The following CTNNA2 variants were observed in gnomAD, a reference collection of about 807,000 sequenced individuals.
The protein encoded by CTNNA2 is catenin alpha 2, also known as catenin alpha-2.
CTNNA2 carries 42 observed loss-of-function variants against 101.0 expected under a neutral mutation model. The ratio of observed to expected loss-of-function variants is 0.42; its 90% CI spans 0.32 to 0.54. The LOEUF (loss-of-function observed/expected upper bound fraction) is 0.54. Ranked by LOEUF, CTNNA2 falls within the 20% of genes least tolerant of loss-of-function variation. CTNNA2 has a pLI of 0.14. For synonymous variants in CTNNA2, 450 were observed against 456.4 expected (o/e 0.99, Z 0.18); for missense variants, 871 against 1,223.1 (o/e 0.71, Z 4.29).
intron 4 of CTNNA2, among the ~76,000 whole-genome samples, chr2:79,459,984 G>C (rs931708555): frequency 6.6e-6 from 1 of 151,994 alleles, no homozygotes; most frequent in Non-Finnish European, 1.5e-5. Flanking sequence ...CCCAGGGTGG[G>C]GACTTGGTCT....
chr2:80,269,910 A>G (rs1416936323), intron 7 of CTNNA2, among the ~76,000 whole-genome samples: 1 of 152,158 alleles, frequency 6.6e-6, no homozygotes, highest in African/African-American at 2.4e-5. Context: ...AAGTGTTATG[A>G]GCGCCATTTG....
intron 7 of CTNNA2, among the ~76,000 whole-genome samples, chr2:79,953,933 A>G (rs1689048987): frequency 1.3e-5 from 2 of 152,182 alleles, no homozygotes; most frequent in African/African-American, 2.4e-5. Flanking sequence ...CCAGAATATT[A>G]TGAAGTAATA....
At chr2:80,278,356 G>T (rs149999179) in intron 7 of CTNNA2, among the ~76,000 whole-genome samples, 1 of 152,182 alleles carries the variant, frequency 6.6e-6, no homozygotes, top group African/African-American at 2.4e-5. Context: ...ACTTGAGCTA[G>T]GCTCAGCTGG....
At chr2:80,319,090 A>G (rs1026197689) in intron 7 of CTNNA2, among the ~76,000 whole-genome samples, 1 of 152,108 alleles carries the variant, frequency 6.6e-6, no homozygotes, top group African/African-American at 2.4e-5. Flanking sequence ...CCTGGTTGCA[A>G]CTCTATTCAA....
At chr2:80,579,579 G>A (rs1465853919) in intron 13 of CTNNA2, 1 of 152,120 alleles carries the variant, frequency 6.6e-6, no homozygotes, top group East Asian at 1.9e-4. Context: ...CTGTAGCCCT[G>A]CTTTAGTTAA....
chr2:80,629,557 G>A (rs554834662), intron 18 of CTNNA2, among the ~76,000 whole-genome samples: 25 of 152,246 alleles, frequency 1.6e-4, no homozygotes, highest in African/African-American at 6.0e-4. Context: ...GGAAGTGGAG[G>A]AAAGAGAAAC....
chr2:79,416,977 T>C (rs1678490908), intron 4 of CTNNA2, among the ~76,000 whole-genome samples: 1 of 152,134 alleles, frequency 6.6e-6, no homozygotes, highest in South Asian at 2.1e-4. Flanking sequence ...AAATTTCTTA[T>C]ATGAGATTTT....
chr2:79,827,325 A>G (rs1678528363), intron 3 of CTNNA2, among the ~76,000 whole-genome samples: 2 of 152,182 alleles, frequency 1.3e-5, no homozygotes, highest in South Asian at 4.1e-4. Flanking sequence ...GGAGTGAGCC[A>G]CTGTGCCCGG....
chr2:80,631,511 T>C (rs564264290), intron 18 of CTNNA2, among the ~76,000 whole-genome samples: 1 of 152,208 alleles, frequency 6.6e-6, no homozygotes, highest in Non-Finnish European at 1.5e-5. Context: ...TGGAGGCTCT[T>C]TGTTGGACCA....
chr2:79,354,748 C>T (rs6749910), intron 3 of CTNNA2, among the ~76,000 whole-genome samples: 15,990 of 152,076 alleles, frequency 0.11, 1,084 homozygotes, highest in East Asian at 0.34. Context: ...GAGTGAATTG[C>T]CCTGCAGTTG....
chr2:79,982,229 TA>T lies in CTNNA2; in HGVS notation c.1056+72433del, dbSNP rs566432494. Reference sequence around the variant, plus strand: ...ATATATATATATATATATATATATATATATATATATATGTATGTATATGTAC... The same window carrying T: ...ATATATATATATATATATATATATATTATATATATATGTATGTATATGTAC... On this transcript the variant is annotated intron_variant, in intron 7 of 18. Coordinates refer to ENST00000402739, the MANE Select transcript of CTNNA2 (RefSeq NM_001282597.3). 4.0e-3 allele frequency among the ~76,000 whole-genome samples: 244 copies of T among 61,212 alleles called. 6 individuals are homozygous for T. Among genetic ancestry groups the T allele is most frequent in the African/African-American group, 0.013 (235 of 17,434 alleles). 40.2% of individuals were successfully genotyped at this position (61,212 alleles called of 152,430 possible). A position where few individuals can be genotyped will look rare whatever the true frequency, so the allele number is the denominator to read the frequency against.
intron 7 of CTNNA2, among the ~76,000 whole-genome samples, chr2:80,101,687 G>A (rs181327798): frequency 3.0e-4 from 45 of 152,264 alleles, no homozygotes; most frequent in African/African-American, 9.1e-4. Context: ...CAGCAGAGGC[G>A]GATCATGGCA....
At chr2:79,829,766 C>A (rs1343417024) in intron 3 of CTNNA2, among the ~76,000 whole-genome samples, 2 of 151,442 alleles carry the variant, frequency 1.3e-5, no homozygotes, top group Non-Finnish European at 2.9e-5. Flanking sequence ...GTCGCCCAGG[C>A]TGGAGTGCAG....
chr2:79,655,067 G>A (rs1233380297), intron 2 of CTNNA2, among the ~76,000 whole-genome samples: 1 of 152,156 alleles, frequency 6.6e-6, no homozygotes, highest in Admixed American at 6.6e-5. Flanking sequence ...TGGTCTGTGA[G>A]ATATTGGAAT....
chr2:80,202,232 T>C (rs565425461), intron 7 of CTNNA2, among the ~76,000 whole-genome samples: 81 of 152,310 alleles, frequency 5.3e-4, no homozygotes, highest in Non-Finnish European at 8.2e-4. Flanking sequence ...ATGAATTAAT[T>C]AATCACCCAG....
intron 9 of CTNNA2, among the ~76,000 whole-genome samples, chr2:80,521,609 A>G (rs1281319303): frequency 6.6e-6 from 1 of 152,150 alleles, no homozygotes; most frequent in Non-Finnish European, 1.5e-5. Context: ...AAGGAGAGAA[A>G]GACTTCACTA....
intron 7 of CTNNA2, among the ~76,000 whole-genome samples, chr2:79,967,117 CGTGT>C (rs56007530): frequency 0.1 from 15,199 of 149,588 alleles, 2,523 homozygotes; most frequent in African/African-American, 0.35. Context: ...CGCGCACGCA[CGTGT>C]GTGTGTGTGT....
At chr2:80,422,438 TG>T (rs539572573) in intron 9 of CTNNA2, among the ~76,000 whole-genome samples, 21 of 24,554 alleles carry the variant, frequency 8.6e-4, no homozygotes, top group East Asian at 4.3e-3. Context: ...ACTTATAGTT[TG>T]TTTTTTTTTT....
intron 7 of CTNNA2, among the ~76,000 whole-genome samples, chr2:80,232,345 GTTTTTTTTTTTTTTTTTTTTT>G (rs61454985): frequency 1.7e-4 from 11 of 64,828 alleles, no homozygotes; most frequent in Non-Finnish European, 1.8e-4. Flanking sequence ...TTGTTTGTTT[GTTTTTTTTTTTTTTTTTTTTT>G]TTTTTTTTTT....
Sources: allele counts gnomAD v4.1 joint callset (sites outside exome capture counted in the v4.1 genomes callset), GRCh38; gene constraint gnomAD v4.1.1; transcripts MANE v1.5; gene names NCBI Gene and HGNC (gene_info 2026-07-23, HGNC 2026-07-21).